The following RBPJL variants were observed in gnomAD, a reference collection of about 807,000 sequenced individuals.
RBPJL encodes the protein recombination signal binding protein for immunoglobulin kappa J region like.
RBPJL carries 50 observed loss-of-function variants against 57.6 expected under a neutral mutation model. That is an observed-to-expected ratio of 0.87 (90% CI 0.69 to 1.10). RBPJL has a LOEUF of 1.10. RBPJL is among the 50% of genes least tolerant of loss of function. RBPJL has a pLI of 0.00. For synonymous variants in RBPJL, 303 were observed against 294.4 expected (o/e 1.03, Z -0.30); for missense variants, 684 against 693.7 (o/e 0.99, Z 0.16).
intron 3 of RBPJL, 107 bp from the exon 4 acceptor site, chr20:45,311,482 G>A (rs1987163248): frequency 1.0e-6 from 1 of 1,003,846 alleles, no homozygotes; most frequent in African/African-American, 1.6e-5. Flanking sequence ...CGGGGAGCGG[G>A]AGGAGGAAAC....
intron 5 of RBPJL, 60 bp downstream of exon 5, chr20:45,312,014 G>C (rs1357524636): frequency 7.4e-6 from 11 of 1,476,586 alleles, no homozygotes; most frequent in Admixed American, 1.9e-5. Context: ...CCTGGGAAAG[G>C]AGGGCTCCTT....
Position 45,314,403 on chromosome 20 carries a change from T to A in RBPJL, c.868-10T>A. 6.2e-7 allele frequency: 1 copy of A among 1,611,392 alleles called. No individual in the cohort carries two copies. Among genetic ancestry groups the A allele is most frequent in the Non-Finnish European group, 8.5e-7 (1 of 1,177,840 alleles). ...TTGCCACCACTGTTCTTACCATCCT[T>A]CCATTGCAGATCATCCGTAAAGTAG... On this transcript the variant is annotated splice_polypyrimidine_tract_variant and intron_variant, in intron 8 of 11. Coordinates refer to ENST00000343694, the MANE Select transcript of RBPJL (RefSeq NM_014276.4).
Position 45,313,524 on chromosome 20 carries a change from G to T in RBPJL, c.676G>T (p.Val226Phe). 1 of 1,613,976 alleles carries T rather than the reference G, an allele frequency of 6.2e-7. No homozygotes were observed. The highest frequency in any genetic ancestry group is 1.1e-5 in the South Asian group (1 of 91,054). ...SLFNRLRSQT[V>F]STRYLSVEDG... ...CTTCAACCGCCTGCGCTCTCAGACG[G>T]TCTCCACACGCTACCTCTCTGTGGA... The change falls in exon 7 of 12, where the codon GTC becomes TTC. Residue 226 changes from valine to phenylalanine, a missense_variant. Coordinates refer to ENST00000343694, the MANE Select transcript of RBPJL (RefSeq NM_014276.4).
chr20:45,316,945 T>C lies in RBPJL; in HGVS notation c.1540T>C (p.Phe514Leu). Residue 514 changes from phenylalanine to leucine, a missense_variant, in exon 12 of 12, where the codon TTC (phenylalanine) becomes CTC (leucine). Coordinates refer to ENST00000343694, the MANE Select transcript of RBPJL (RefSeq NM_014276.4). ...GTTCACGCGCACCAACTTCCACCTC[T>C]TCATCCAGACTTAGGCGCGCCCGGT... The part of the protein sequence containing the change: ...QEFTRTNFHL[F>L]IQT The C allele has an allele frequency of 1.2e-6, 2 of 1,612,212 alleles. No individual in the cohort carries two copies. The highest frequency in any genetic ancestry group is 8.5e-7 in the Non-Finnish European group (1 of 1,178,746).
At chr20:45,312,430 G>A (rs375807619) in intron 6 of RBPJL, 35 bp downstream of exon 6, 268 of 1,593,872 alleles carry the variant, frequency 1.7e-4, no homozygotes, top group Non-Finnish European at 2.1e-4. Flanking sequence ...CGGCCCGGGC[G>A]GGGAGGTGCA....
chr20:45,311,500 C>A, intron 3 of RBPJL, 89 bp from the exon 4 acceptor site: 1 of 1,242,178 alleles, frequency 8.1e-7, no homozygotes, highest in Non-Finnish European at 1.2e-6. Context: ...AACGAAGGTT[C>A]TGCTGGGTTT....
chr20:45,313,388 C>G lies in RBPJL; in HGVS notation c.620-80C>G. 4 of 1,259,070 alleles carry G rather than the reference C, an allele frequency of 3.2e-6. No homozygotes were observed. In the South Asian group the frequency reaches 6.0e-5, roughly 19 times the overall value. The allele number at this position is 1,259,070 out of a possible 1,614,324, so 78.0% of individuals were successfully genotyped here. ...CCTAACCCTCACCCTAACCCTAACC[C>G]CAATCCTAACCCTAACCCTATCCCC... On this transcript the variant is annotated intron_variant, in intron 6 of 11. Transcript: ENST00000343694.
chr20:45,317,385 G>T lies in RBPJL; in HGVS notation c.*426G>T. The T allele has an allele frequency of 5.5e-6, 1 of 181,518 alleles. No individual in the cohort carries two copies. Among genetic ancestry groups the T allele is most frequent in the Admixed American group, 6.0e-5 (1 of 16,794 alleles). The allele number at this position is 181,518 out of a possible 1,614,324, so 11.2% of individuals were successfully genotyped here. A position where few individuals can be genotyped will look rare whatever the true frequency, so the allele number is the denominator to read the frequency against. On this transcript the variant is annotated 3_prime_UTR_variant, in exon 12 of 12. Coordinates refer to ENST00000343694, the MANE Select transcript of RBPJL (RefSeq NM_014276.4). ...CCAAGTTTGGGACATTTACCCTCCAGGCATCTGTGTCCCCTCTTGAAGAGA... is the reference window on the plus strand; with the variant it reads ...CCAAGTTTGGGACATTTACCCTCCATGCATCTGTGTCCCCTCTTGAAGAGA...
chr20:45,309,491 C>T (rs1987026749), intron 2 of RBPJL, 76 bp from the exon 3 acceptor site: 1 of 1,485,442 alleles, frequency 6.7e-7, no homozygotes, highest in Middle Eastern at 2.4e-4. Context: ...TTTTACTCAA[C>T]CTGAGTGCTT....
chr20:45,307,557 A>G (rs557287149), intron 1 of RBPJL, among the ~76,000 whole-genome samples: 2 of 152,280 alleles, frequency 1.3e-5, no homozygotes, highest in Admixed American at 6.5e-5. Flanking sequence ...GCCACCTCCC[A>G]TACTTTCCTA....
intron 9 of RBPJL, among the ~76,000 whole-genome samples, chr20:45,315,219 T>C (rs1987392543): frequency 6.6e-6 from 1 of 152,100 alleles, no homozygotes; most frequent in Admixed American, 6.5e-5. Flanking sequence ...TGGAAAATTA[T>C]AGAATGTGGA....
chr20:45,316,894 G>T lies in RBPJL; in HGVS notation c.1489G>T (p.Ala497Ser). Residue 497 changes from alanine to serine, a missense_variant, in exon 12 of 12, where the codon GCG (alanine) becomes TCG (serine). Ala to Ser is a moderately conservative substitution (Grantham distance 99, BLOSUM62 1). Coordinates refer to ENST00000343694, the MANE Select transcript of RBPJL (RefSeq NM_014276.4). ...GVPEPATDAD[A>S]LLESIHQEFT... Reference sequence around the variant, plus strand: ...CCCCGAGCCCGCCACCGACGCCGACGCGCTCCTGGAGAGCATCCATCAGGA... The same window carrying T: ...CCCCGAGCCCGCCACCGACGCCGACTCGCTCCTGGAGAGCATCCATCAGGA... 1 of 1,613,642 alleles carries T rather than the reference G, an allele frequency of 6.2e-7. No individual in the cohort carries two copies.
In RBPJL at chr20:45,317,208, C is replaced by G; in HGVS notation, c.*249C>G. The G allele has an allele frequency of 3.5e-6, 2 of 565,588 alleles. No individual in the cohort carries two copies. The highest frequency in any genetic ancestry group is 6.2e-6 in the Non-Finnish European group (2 of 320,826). 35.0% of individuals were successfully genotyped at this position (565,588 alleles called of 1,614,324 possible). A position where few individuals can be genotyped will look rare whatever the true frequency, so the allele number is the denominator to read the frequency against. ...CGTCGTGTATGGCTCTCCCTGTCTT[C>G]ATTTCTTCTCACTCTGTCTCTAAAC... is the stretch of plus-strand genomic sequence containing the variant. On this transcript the variant is annotated 3_prime_UTR_variant, in exon 12 of 12. Coordinates refer to ENST00000343694, the MANE Select transcript of RBPJL (RefSeq NM_014276.4).
chr20:45,309,816 T>C, intron 3 of RBPJL, 124 bp downstream of exon 3: 1 of 1,274,322 alleles, frequency 7.8e-7, no homozygotes, highest in Non-Finnish European at 1.1e-6. Flanking sequence ...CAGCTATTGG[T>C]CGACCAGGGC....
In RBPJL at chr20:45,317,143, A is replaced by T. The variant is rs79587050; in HGVS notation, c.*184A>T. 2 of 653,366 alleles carry T rather than the reference A, an allele frequency of 3.1e-6. No homozygotes were observed. The highest frequency in any genetic ancestry group is 1.9e-5 in the South Asian group (1 of 51,558). The allele number at this position is 653,366 out of a possible 1,614,324, so 40.5% of individuals were successfully genotyped here. A position where few individuals can be genotyped will look rare whatever the true frequency, so the allele number is the denominator to read the frequency against. ...CTCACTCCCTCCCTTGTCCTTACAC[A>T]TACAGGAAGACAAGACCTGAGTGGT... On this transcript the variant is annotated 3_prime_UTR_variant, in exon 12 of 12. Coordinates refer to ENST00000343694, the MANE Select transcript of RBPJL (RefSeq NM_014276.4).
At position 45,316,914 on chromosome 20, in the gene RBPJL, T is replaced by C; in HGVS notation, c.1509T>C (p.His503=). 6.2e-7 allele frequency: 1 copy of C among 1,613,322 alleles called. No homozygotes were observed. ...CCGACGCGCTCCTGGAGAGCATCCA[T>C]CAGGAGTTCACGCGCACCAACTTCC... is the stretch of plus-strand genomic sequence containing the variant. ...TDADALLESI[H]QEFTRTNFHL... is the part of the protein sequence containing the mutation. Residue 503 remains histidine, a synonymous_variant, in exon 12 of 12, where the codon CAT becomes CAC. Transcript: ENST00000343694.
chr20:45,312,634 G>C (rs1424180178), intron 6 of RBPJL, among the ~76,000 whole-genome samples: 1 of 152,122 alleles, frequency 6.6e-6, no homozygotes, highest in Non-Finnish European at 1.5e-5. Context: ...TTCCAGGTTG[G>C]GAGTTGGGGT....
Position 45,316,485 on chromosome 20 carries a change from C to T in RBPJL, c.1185C>T (p.Gly395=), listed in dbSNP as rs776928328. The change falls in exon 11 of 12, where the codon GGC becomes GGT. Residue 395 remains glycine (G), a synonymous_variant. Transcript: ENST00000343694. The stretch of plus-strand genomic sequence containing the variant: ...GTCCCACCCTCCCCCAGCTGAGCGG[C>T]GGGGGCGACGTGGCCACGCTGGAGC... The part of the protein sequence containing the change: ...VPLISTLELS[G]GGDVATLELH... The T allele has an allele frequency of 1.3e-6, 2 of 1,546,960 alleles. No individual in the cohort carries two copies. Among genetic ancestry groups the T allele is most frequent in the South Asian group, 1.2e-5 (1 of 83,710 alleles).
At chr20:45,310,340 C>T (rs1418081681) in intron 3 of RBPJL, among the ~76,000 whole-genome samples, 1 of 152,158 alleles carries the variant, frequency 6.6e-6, no homozygotes, top group Non-Finnish European at 1.5e-5. Context: ...GGCGCGATGG[C>T]TCACACCTGT....
Sources: allele counts gnomAD v4.1 joint callset (sites outside exome capture counted in the v4.1 genomes callset), GRCh38; gene constraint gnomAD v4.1.1; transcripts MANE v1.5; gene names NCBI Gene and HGNC (gene_info 2026-07-23, HGNC 2026-07-21).